Variants in HOMER1 observed in about 807,000 individuals in gnomAD.
HOMER1 encodes homer protein homolog 1.
A neutral mutation model predicts 48.9 loss-of-function variants in HOMER1; 3 were observed. The observed-to-expected ratio is 0.06, with a 90% CI of 0.03 to 0.16. HOMER1 has a LOEUF of 0.16. Ranked by LOEUF, HOMER1 falls within the 10% of genes least tolerant of loss-of-function variation. The pLI, the probability that HOMER1 is intolerant of heterozygous loss-of-function variation, is 1.00. For synonymous variants in HOMER1, 134 were observed against 146.4 expected, an observed-to-expected ratio of 0.92 and a Z score of 0.61; for missense variants, 247 against 411.4, an observed-to-expected ratio of 0.60 and a Z score of 3.46.
rs1751843139 is a variant in HOMER1 at position 79,478,332 on chromosome 5, T to C, written c.6-21314A>G. Among the ~76,000 whole-genome samples, 5 of 152,264 alleles carry C rather than the reference T, an allele frequency of 3.3e-5. 1 individual carries two copies. In the South Asian group the frequency reaches 1.0e-3, roughly 32 times the overall value. ...AAGGGGCCTGTAACATGCCAAAACTTAAATTGGCCAATGAAAATTTTGCTG... is the reference window on the plus strand; with the variant it reads ...AAGGGGCCTGTAACATGCCAAAACTCAAATTGGCCAATGAAAATTTTGCTG... On this transcript the variant is annotated intron_variant, in intron 1 of 8. Coordinates refer to ENST00000334082, the MANE Select transcript of HOMER1 (RefSeq NM_004272.5).
intron 2 of HOMER1, among the ~76,000 whole-genome samples, chr5:79,453,269 C>T (rs1339157788): frequency 2.0e-5 from 3 of 152,182 alleles, no homozygotes; most frequent in African/African-American, 7.2e-5. Flanking sequence ...TCTGTGTTTT[C>T]TGACAAGGGC....
At chr5:79,490,775 A>C (rs987787270) in intron 1 of HOMER1, among the ~76,000 whole-genome samples, 9 of 146,716 alleles carry the variant, frequency 6.1e-5, no homozygotes, top group Non-Finnish European at 1.2e-4. Context: ...CTACCAAAAA[A>C]AAAAACAAAA....
intron 6 of HOMER1, among the ~76,000 whole-genome samples, chr5:79,398,896 C>G (rs983824365): frequency 6.6e-6 from 1 of 152,170 alleles, no homozygotes; most frequent in Non-Finnish European, 1.5e-5. Context: ...CGGACCTAAC[C>G]GAACCCTTAA....
At chr5:79,484,682 C>T (rs886953446) in intron 1 of HOMER1, among the ~76,000 whole-genome samples, 2 of 152,106 alleles carry the variant, frequency 1.3e-5, no homozygotes, top group African/African-American at 4.8e-5. Flanking sequence ...TATAAAGACA[C>T]CTATAGGTTA....
intron 8 of HOMER1, 40 bp downstream of exon 8, chr5:79,396,783 T>C (rs1749396921): frequency 8.2e-7 from 1 of 1,226,468 alleles, no homozygotes; most frequent in African/African-American, 1.5e-5. Flanking sequence ...AATGATGCCT[T>C]TCTATGCAGA....
At chr5:79,474,508 T>A (rs1325614759) in intron 1 of HOMER1, among the ~76,000 whole-genome samples, 2 of 152,142 alleles carry the variant, frequency 1.3e-5, no homozygotes, top group Non-Finnish European at 2.9e-5. Context: ...TAAACTCCCA[T>A]TGGATCATCA....
intron 3 of HOMER1, among the ~76,000 whole-genome samples, chr5:79,449,461 A>AATG (rs1278677931): frequency 2.1e-5 from 2 of 95,426 alleles, no homozygotes; most frequent in Non-Finnish European, 3.8e-5. Context: ...GAGAAACCAA[A>AATG]ATGATATTTG....
chr5:79,435,803 C>G (rs964755224), intron 5 of HOMER1, among the ~76,000 whole-genome samples: 3 of 148,492 alleles, frequency 2.0e-5, no homozygotes, highest in African/African-American at 7.5e-5. Flanking sequence ...TGCACTCCAG[C>G]CTGGGCAACA....
intron 6 of HOMER1, among the ~76,000 whole-genome samples, chr5:79,399,672 T>C (rs1749483506): frequency 6.6e-6 from 1 of 152,184 alleles, no homozygotes; most frequent in Non-Finnish European, 1.5e-5. Flanking sequence ...AACTCAACAT[T>C]ATTCAAAAAT....
intron 5 of HOMER1, among the ~76,000 whole-genome samples, chr5:79,424,648 GAC>G (rs1390699405): frequency 6.6e-6 from 1 of 151,940 alleles, no homozygotes. Context: ...GTTCTCATAT[GAC>G]AACAAACCAA....
chr5:79,451,896 T>G (rs1751038908), intron 2 of HOMER1, among the ~76,000 whole-genome samples: 2 of 152,142 alleles, frequency 1.3e-5, no homozygotes, highest in South Asian at 4.1e-4. Flanking sequence ...TTGAGTTTTC[T>G]TCAAGCTGAT....
intron 5 of HOMER1, among the ~76,000 whole-genome samples, chr5:79,409,039 G>A (rs1040172245): frequency 7.3e-6 from 1 of 136,288 alleles, no homozygotes; most frequent in African/African-American, 3.0e-5. Context: ...CCAAGATCAT[G>A]CCACTGCACT....
At chr5:79,507,490 A>C (rs1352236810) in intron 1 of HOMER1, among the ~76,000 whole-genome samples, 1 of 152,184 alleles carries the variant, frequency 6.6e-6, no homozygotes, top group Non-Finnish European at 1.5e-5. Flanking sequence ...AATATGCAAC[A>C]CAAAAAAACT....
chr5:79,469,573 C>T (rs1751564558), intron 1 of HOMER1, among the ~76,000 whole-genome samples: 1 of 152,116 alleles, frequency 6.6e-6, no homozygotes. Context: ...CATACAGTCT[C>T]AATTTCCCAA....
intron 1 of HOMER1, among the ~76,000 whole-genome samples, chr5:79,458,122 A>G (rs559833478): frequency 1.3e-5 from 2 of 152,272 alleles, no homozygotes; most frequent in Admixed American, 1.3e-4. Flanking sequence ...TAAAATTACA[A>G]AGAACCAAAA....
At chr5:79,379,150 T>TAA (rs1748873382) in intron 8 of HOMER1, among the ~76,000 whole-genome samples, 1 of 107,790 alleles carries the variant, frequency 9.3e-6, no homozygotes, top group South Asian at 2.8e-4. Context: ...TAAAAATTAT[T>TAA]TATATAAATA....
intron 2 of HOMER1, among the ~76,000 whole-genome samples, chr5:79,453,413 C>T (rs936066860): frequency 3.3e-5 from 5 of 152,208 alleles, no homozygotes; most frequent in East Asian, 1.9e-4. Flanking sequence ...AACTTCTTTC[C>T]GCTTTTATGA....
At chr5:79,381,560 A>C (rs1561341683) in intron 8 of HOMER1, among the ~76,000 whole-genome samples, 2 of 152,212 alleles carry the variant, frequency 1.3e-5, no homozygotes, top group Non-Finnish European at 2.9e-5. Flanking sequence ...GATTCTAAAG[A>C]AGCTTAGTGA....
chr5:79,431,466 A>T (rs771735089), intron 5 of HOMER1, among the ~76,000 whole-genome samples: 4 of 152,068 alleles, frequency 2.6e-5, no homozygotes, highest in Non-Finnish European at 5.9e-5. Flanking sequence ...GTGGAGGGAG[A>T]GTGTGGGTGT....
Sources: gnomAD v4.1 joint callset for allele counts (sites outside exome capture counted in the v4.1 genomes callset) on GRCh38, gnomAD v4.1.1 for gene constraint, MANE v1.5 for transcripts, NCBI Gene and HGNC (gene_info 2026-07-23, HGNC 2026-07-21) for gene names.